ALK: variants seen among roughly 807,000 people sequenced by gnomAD.
The protein encoded by ALK is ALK receptor tyrosine kinase, also known as ALK tyrosine kinase receptor.
A neutral mutation model predicts 163.1 loss-of-function variants in ALK; 74 were observed. The observed-to-expected ratio is 0.45, with a 90% CI of 0.38 to 0.55. ALK has a LOEUF of 0.55. Among genes scored for constraint, ALK ranks in the 20% least tolerant of loss-of-function variants. The pLI, the probability that ALK is intolerant of heterozygous loss-of-function variation, is 0.00. For missense variants in ALK, 2,063 were observed against 2,105.3 expected (o/e 0.98, Z 0.39); for synonymous variants, 960 against 843.2 (o/e 1.14, Z -2.40).
intron 6 of ALK, among the ~76,000 whole-genome samples, chr2:29,328,069 G>A (rs1042578714): frequency 6.6e-6 from 1 of 152,182 alleles, no homozygotes; most frequent in African/African-American, 2.4e-5. Context: ...TTAGAGCTGG[G>A]CTTTATCCTG....
chr2:29,849,204 G>A (rs1368147843), intron 1 of ALK, among the ~76,000 whole-genome samples: 1 of 152,158 alleles, frequency 6.6e-6, no homozygotes, highest in African/African-American at 2.4e-5. Context: ...TCTGGGGACC[G>A]CTCACTGTCT....
intron 5 of ALK, among the ~76,000 whole-genome samples, chr2:29,352,573 T>C (rs1668145762): frequency 6.6e-6 from 1 of 152,192 alleles, no homozygotes; most frequent in Non-Finnish European, 1.5e-5. Flanking sequence ...AACATCCAAT[T>C]ATCTGGGAAA....
chr2:29,763,196 C>G (rs1297956120), intron 1 of ALK, among the ~76,000 whole-genome samples: 1 of 152,004 alleles, frequency 6.6e-6, no homozygotes, highest in Non-Finnish European at 1.5e-5. Flanking sequence ...AAACCTTTGC[C>G]AGACCTCAAT....
chr2:29,210,566 G>C, intron 24 of ALK, among the ~76,000 whole-genome samples: 1 of 152,122 alleles, frequency 6.6e-6, no homozygotes, highest in African/African-American at 2.4e-5. Flanking sequence ...CCAAGTAGCT[G>C]GGGTTACAGG....
chr2:29,253,557 G>A (rs1178699662), intron 11 of ALK, among the ~76,000 whole-genome samples: 1 of 152,180 alleles, frequency 6.6e-6, no homozygotes, highest in East Asian at 1.9e-4. Context: ...ATGTGGCCAG[G>A]GGAGTTGCTG....
chr2:29,309,344 T>G (rs1055377383), intron 8 of ALK, among the ~76,000 whole-genome samples: 3 of 152,186 alleles, frequency 2.0e-5, no homozygotes, highest in African/African-American at 7.2e-5. Flanking sequence ...AGCTTTTGAA[T>G]GGGAACCAAG....
chr2:29,453,473 C>T (rs1257864105), intron 4 of ALK, among the ~76,000 whole-genome samples: 1 of 152,052 alleles, frequency 6.6e-6, no homozygotes, highest in African/African-American at 2.4e-5. Context: ...TAAACTCAAG[C>T]AGTCCTCCTG....
At chr2:29,447,731 G>A (rs183043851) in intron 4 of ALK, among the ~76,000 whole-genome samples, 129 of 152,314 alleles carry the variant, frequency 8.5e-4, no homozygotes, top group African/African-American at 3.1e-3. Context: ...CAATGGCACA[G>A]GCCCTCCAGG....
At chr2:29,491,628 G>A (rs529330903) in intron 4 of ALK, among the ~76,000 whole-genome samples, 28 of 152,332 alleles carry the variant, frequency 1.8e-4, no homozygotes, top group African/African-American at 6.7e-4. Context: ...TTGAGGAGAG[G>A]AGTGTCTCAG....
chr2:29,396,281 A>G (rs941062446), intron 4 of ALK, among the ~76,000 whole-genome samples: 17 of 152,148 alleles, frequency 1.1e-4, no homozygotes, highest in Non-Finnish European at 2.9e-5. Flanking sequence ...ACTGTGTCTA[A>G]TCCTCTAATA....
chr2:29,201,492 AAGAT>A (rs1424985144), intron 26 of ALK, among the ~76,000 whole-genome samples: 1 of 151,996 alleles, frequency 6.6e-6, no homozygotes, highest in Non-Finnish European at 1.5e-5. Flanking sequence ...CTCTACATTC[AAGAT>A]AGATCTTGAG....
chr2:29,540,581 T>TTTTG (rs1491284777), intron 3 of ALK, among the ~76,000 whole-genome samples: 99 of 58,222 alleles, frequency 1.7e-3, no homozygotes, highest in African/African-American at 7.2e-3. Context: ...AAGAATTATG[T>TTTTG]TTTTTTTTTT....
chr2:29,557,195 A>G (rs1673886356), intron 3 of ALK, among the ~76,000 whole-genome samples: 1 of 152,196 alleles, frequency 6.6e-6, no homozygotes, highest in African/African-American at 2.4e-5. Context: ...ATAAAAGAAT[A>G]AGGGAACTAA....
At position 29,205,632 on chromosome 2, in the gene ALK, C is replaced by T. The variant is rs75761830; in HGVS notation, c.3938+1539G>A. 4.4e-3 allele frequency among the ~76,000 whole-genome samples: 663 copies of T among 152,242 alleles called. 8 individuals carry two copies. The highest frequency in any genetic ancestry group is 0.015 in the African/African-American group (607 of 41,550). Reference sequence around the variant, plus strand: ...GCTGCGGGACCTCCTTGACTTGGGGCCGCATCTCCAGTCTCAGCCTCTGTG... The same window carrying T: ...GCTGCGGGACCTCCTTGACTTGGGGTCGCATCTCCAGTCTCAGCCTCTGTG... On this transcript the variant is annotated intron_variant, in intron 26 of 28. Transcript: ENST00000389048.
chr2:29,364,980 A>T (rs1668468041), intron 5 of ALK, among the ~76,000 whole-genome samples: 1 of 152,194 alleles, frequency 6.6e-6, no homozygotes, highest in Non-Finnish European at 1.5e-5. Context: ...TGTCTCACTG[A>T]GTCTAAACCC....
intron 3 of ALK, among the ~76,000 whole-genome samples, chr2:29,565,361 G>A (rs563499417): frequency 1.3e-5 from 2 of 152,318 alleles, no homozygotes; most frequent in South Asian, 4.1e-4. Context: ...AGGGCAGGAA[G>A]ATGGATACAT....
intron 1 of ALK, among the ~76,000 whole-genome samples, chr2:29,800,585 G>C (rs536169929): frequency 6.6e-6 from 1 of 152,274 alleles, no homozygotes; most frequent in South Asian, 2.1e-4. Context: ...AAATCATTAG[G>C]ATTAGGGTAC....
intron 4 of ALK, among the ~76,000 whole-genome samples, chr2:29,390,389 C>T (rs966894805): frequency 1.3e-5 from 2 of 152,098 alleles, no homozygotes; most frequent in African/African-American, 4.8e-5. Context: ...AACACAGTCA[C>T]GTGGTGATGA....
intron 3 of ALK, among the ~76,000 whole-genome samples, chr2:29,632,897 T>C (rs113599471): frequency 0.013 from 1,943 of 152,276 alleles, 40 homozygotes; most frequent in African/African-American, 0.045. Flanking sequence ...TTTACTACCA[T>C]GAGAACAGTA....
Sources: allele counts gnomAD v4.1 joint callset (sites outside exome capture counted in the v4.1 genomes callset), GRCh38; gene constraint gnomAD v4.1.1; transcripts MANE v1.5; gene names NCBI Gene and HGNC (gene_info 2026-07-23, HGNC 2026-07-21).